LYPLAL1: variants seen among roughly 807,000 people sequenced by gnomAD.
LYPLAL1 encodes the protein lysophospholipase like 1.
A neutral mutation model predicts 19.7 loss-of-function variants in LYPLAL1; 23 were observed. That is an observed-to-expected ratio of 1.17 (90% CI 0.84 to 1.65). The LOEUF is 1.65. LYPLAL1 is among the 40% of genes most tolerant of loss of function. The pLI is 0.00. For missense variants in LYPLAL1, 355 were observed against 279.4 expected, an observed-to-expected ratio of 1.27 and a Z score of -1.93; for synonymous variants, 119 against 96.3, an observed-to-expected ratio of 1.24 and a Z score of -1.38.
the LYPLAL1 span, among the ~76,000 whole-genome samples, chr1:219,221,512 A>C: frequency 6.6e-6 from 1 of 152,184 alleles, no homozygotes; most frequent in African/African-American, 2.4e-5. Flanking sequence ...TGAAATATCA[A>C]GTCAAAGAGT....
At chr1:219,195,514 T>G (rs1471111510) in intron 3 of LYPLAL1, among the ~76,000 whole-genome samples, 1 of 151,990 alleles carries the variant, frequency 6.6e-6, no homozygotes, top group African/African-American at 2.4e-5. Context: ...ATTGAAGAGT[T>G]TATCACACTG....
At chr1:219,201,950 C>T (rs1449936926) in intron 3 of LYPLAL1, among the ~76,000 whole-genome samples, 2 of 152,128 alleles carry the variant, frequency 1.3e-5, no homozygotes, top group Non-Finnish European at 2.9e-5. Context: ...GGTTGTTTAT[C>T]TTAGTGATCT....
the LYPLAL1 span, among the ~76,000 whole-genome samples, chr1:219,244,149 C>G: frequency 1.3e-5 from 2 of 152,012 alleles, no homozygotes; most frequent in South Asian, 4.2e-4. Context: ...ATTGGAAAAC[C>G]AATGCTCAAA....
the LYPLAL1 span, among the ~76,000 whole-genome samples, chr1:219,428,850 C>T: frequency 6.6e-6 from 1 of 152,196 alleles, no homozygotes; most frequent in East Asian, 1.9e-4. Flanking sequence ...CAAAATTCTG[C>T]CCATACTTTT....
intron 3 of LYPLAL1, among the ~76,000 whole-genome samples, chr1:219,203,189 T>C (rs1471350785): frequency 6.6e-6 from 1 of 152,194 alleles, no homozygotes; most frequent in Non-Finnish European, 1.5e-5. Context: ...TGTGTAACTT[T>C]ATAAAACAAA....
At chr1:219,236,338 C>G in the LYPLAL1 span, among the ~76,000 whole-genome samples, 1 of 152,188 alleles carries the variant, frequency 6.6e-6, no homozygotes, top group Non-Finnish European at 1.5e-5. Context: ...ATGACATAAG[C>G]AGTGTTAGTA....
At chr1:219,396,034 T>C in the LYPLAL1 span, among the ~76,000 whole-genome samples, 1 of 148,034 alleles carries the variant, frequency 6.8e-6, no homozygotes, top group Non-Finnish European at 1.5e-5. Context: ...ACCTGGGAGG[T>C]AGAGCTTGCA....
At chr1:219,240,924 A>G in the LYPLAL1 span, among the ~76,000 whole-genome samples, 1 of 151,774 alleles carries the variant, frequency 6.6e-6, no homozygotes, top group Non-Finnish European at 1.5e-5. Flanking sequence ...ACCTGGGTGC[A>G]GTGGCCTACA....
the LYPLAL1 span, among the ~76,000 whole-genome samples, chr1:219,324,983 T>A: frequency 1.3e-5 from 2 of 152,186 alleles, no homozygotes; most frequent in Non-Finnish European, 2.9e-5. Flanking sequence ...GAGATCTGTG[T>A]GTTCCCAAAT....
downstream of LYPLAL1, among the ~76,000 whole-genome samples, chr1:219,213,167 A>G (rs1659162090): frequency 6.6e-6 from 1 of 152,020 alleles, no homozygotes; most frequent in South Asian, 2.1e-4. Context: ...TCTCAGCACT[A>G]TTTGGTGAAA....
At chr1:219,308,331 G>A in the LYPLAL1 span, among the ~76,000 whole-genome samples, 1 of 152,210 alleles carries the variant, frequency 6.6e-6, no homozygotes, top group South Asian at 2.1e-4. Flanking sequence ...GCCTGACAAT[G>A]TGATAGAAAA....
At chr1:219,182,066 G>C (rs1656338270) in intron 2 of LYPLAL1, among the ~76,000 whole-genome samples, 2 of 152,130 alleles carry the variant, frequency 1.3e-5, no homozygotes, top group South Asian at 4.1e-4. Context: ...ATTTTGTTGT[G>C]GTAAATAACC....
the LYPLAL1 span, among the ~76,000 whole-genome samples, chr1:219,237,971 A>G: frequency 2.9e-4 from 44 of 152,136 alleles, no homozygotes; most frequent in Non-Finnish European, 5.3e-4. Flanking sequence ...AGGAAAAATA[A>G]ATGAATGGGA....
chr1:219,345,622 G>T, the LYPLAL1 span, among the ~76,000 whole-genome samples: 1 of 152,180 alleles, frequency 6.6e-6, no homozygotes, highest in Non-Finnish European at 1.5e-5. Flanking sequence ...CCTGCATGAG[G>T]TGAACCCTAA....
At chr1:219,340,554 G>C in the LYPLAL1 span, among the ~76,000 whole-genome samples, 1 of 151,886 alleles carries the variant, frequency 6.6e-6, no homozygotes, top group East Asian at 1.9e-4. Flanking sequence ...ATAATAGGTG[G>C]GTTAGGTTTT....
the LYPLAL1 span, among the ~76,000 whole-genome samples, chr1:219,361,834 A>AT: frequency 6.6e-6 from 1 of 152,162 alleles, no homozygotes; most frequent in Non-Finnish European, 1.5e-5. Context: ...AGAACTTCTG[A>AT]TTTTAAAAAC....
At chr1:219,268,775 G>A in the LYPLAL1 span, among the ~76,000 whole-genome samples, 1 of 152,176 alleles carries the variant, frequency 6.6e-6, no homozygotes, top group Admixed American at 6.5e-5. Context: ...TCATTATTCT[G>A]TAGTCACTCA....
the LYPLAL1 span, among the ~76,000 whole-genome samples, chr1:219,274,463 G>A: frequency 6.6e-6 from 1 of 152,120 alleles, no homozygotes; most frequent in Non-Finnish European, 1.5e-5. Flanking sequence ...TCAGCTCACA[G>A]CAACTCCTGC....
chr1:219,209,014 A>T (rs932930205), intron 3 of LYPLAL1, among the ~76,000 whole-genome samples: 13 of 152,068 alleles, frequency 8.5e-5, no homozygotes. Context: ...TCTAATGTAC[A>T]TTTGCAAATT....
Sources: gnomAD v4.1 joint callset for allele counts (sites outside exome capture counted in the v4.1 genomes callset) on GRCh38, gnomAD v4.1.1 for gene constraint, MANE v1.5 for transcripts, NCBI Gene and HGNC (gene_info 2026-07-23, HGNC 2026-07-21) for gene names.